The following PRR16 variants were observed in gnomAD, a reference collection of about 807,000 sequenced individuals.
PRR16 encodes the protein proline rich 16, also known as protein Largen.
In PRR16, 6 loss-of-function variants were observed where a neutral mutation model predicts 18.2. The ratio of observed to expected loss-of-function variants is 0.33; its 90% CI spans 0.18 to 0.65. The LOEUF (loss-of-function observed/expected upper bound fraction) is 0.65. Among genes scored for constraint, PRR16 ranks in the 30% least tolerant of loss-of-function variants. The probability of loss-of-function intolerance (pLI) is 0.74; values close to 1 mark genes in which losing one functional copy is unlikely to be tolerated. For missense variants in PRR16, 412 were observed against 376.6 expected (o/e 1.09, Z -0.78); for synonymous variants, 151 against 147.8 (o/e 1.02, Z -0.16).
At chr5:120,781,885 T>C in the PRR16 span, among the ~76,000 whole-genome samples, 1 of 152,000 alleles carries the variant, frequency 6.6e-6, no homozygotes, top group Non-Finnish European at 1.5e-5. Context: ...CCTTACAAAT[T>C]ATGTCCTTAT....
At chr5:120,779,661 T>A in the PRR16 span, among the ~76,000 whole-genome samples, 1 of 152,186 alleles carries the variant, frequency 6.6e-6, no homozygotes, top group Non-Finnish European at 1.5e-5. Flanking sequence ...TGTATTGTAT[T>A]ACCCCAAAAT....
intron 1 of PRR16, among the ~76,000 whole-genome samples, chr5:120,671,353 C>T (rs1289770973): frequency 6.6e-6 from 1 of 152,012 alleles, no homozygotes; most frequent in Non-Finnish European, 1.5e-5. Context: ...GTTTTATCAT[C>T]TCAAGCTAGT....
At chr5:120,664,803 T>C (rs993151706) in intron 1 of PRR16, among the ~76,000 whole-genome samples, 2 of 142,426 alleles carry the variant, frequency 1.4e-5, no homozygotes, top group Non-Finnish European at 3.1e-5. Flanking sequence ...TTTTTATGGC[T>C]GCATAGTATT....
intron 1 of PRR16, among the ~76,000 whole-genome samples, chr5:120,477,507 C>T (rs938014853): frequency 2.0e-5 from 3 of 152,168 alleles, no homozygotes; most frequent in South Asian, 2.1e-4. Context: ...ATTTTTACCT[C>T]TTTCACTGTT....
chr5:120,770,779 G>T, the PRR16 span, among the ~76,000 whole-genome samples: 6 of 151,854 alleles, frequency 4.0e-5, no homozygotes, highest in Non-Finnish European at 1.5e-5. Context: ...TCACTGACTA[G>T]CTCTCCCTAC....
chr5:120,552,394 G>T (rs1395582911), intron 1 of PRR16, among the ~76,000 whole-genome samples: 2 of 151,800 alleles, frequency 1.3e-5, no homozygotes, highest in Admixed American at 6.6e-5. Context: ...AAACAATAAG[G>T]TGTACATATT....
intron 1 of PRR16, among the ~76,000 whole-genome samples, chr5:120,500,319 T>G (rs1750404532): frequency 2.0e-5 from 3 of 152,220 alleles, no homozygotes; most frequent in Admixed American, 6.5e-5. Flanking sequence ...CTCTTTTTTT[T>G]GGCTGGGGAT....
At chr5:120,592,470 A>T (rs991149976) in intron 1 of PRR16, among the ~76,000 whole-genome samples, 3 of 152,180 alleles carry the variant, frequency 2.0e-5, no homozygotes, top group African/African-American at 7.2e-5. Context: ...CATTAAATTC[A>T]TATGAAGTGA....
At chr5:120,663,733 G>C (rs1228599887) in intron 1 of PRR16, among the ~76,000 whole-genome samples, 2 of 152,024 alleles carry the variant, frequency 1.3e-5, no homozygotes, top group Admixed American at 1.3e-4. Context: ...TGTATTTTTG[G>C]GAAAGGATTA....
At chr5:120,486,146 A>G (rs1475559256) in intron 1 of PRR16, among the ~76,000 whole-genome samples, 2 of 152,148 alleles carry the variant, frequency 1.3e-5, no homozygotes, top group Non-Finnish European at 2.9e-5. Context: ...ATGATTTATA[A>G]TCCTTTGGGT....
intron 1 of PRR16, among the ~76,000 whole-genome samples, chr5:120,574,019 T>C (rs982187039): frequency 2.0e-5 from 3 of 152,046 alleles, no homozygotes; most frequent in African/African-American, 7.2e-5. Context: ...AATATATTCA[T>C]GATTTTGTAG....
rs184936111 is a variant in PRR16 at position 120,473,645 on chromosome 5, A to G, written c.159+9000A>G. On this transcript the variant is annotated intron_variant, in intron 1 of 1. Coordinates refer to ENST00000407149, the MANE Select transcript of PRR16 (RefSeq NM_001300783.2). ...TTTGTCTGAGCCCCTTTATTCATTT[A>G]TTCAACAAGTAGTGTTTAACACCTA... 2.0e-3 allele frequency among the ~76,000 whole-genome samples: 310 copies of G among 152,282 alleles called. 1 individual carries two copies. The highest frequency in any genetic ancestry group is 2.2e-3 in the Non-Finnish European group (147 of 68,014).
intron 1 of PRR16, among the ~76,000 whole-genome samples, chr5:120,473,898 G>C (rs1749352590): frequency 6.6e-6 from 1 of 152,178 alleles, no homozygotes; most frequent in African/African-American, 2.4e-5. Flanking sequence ...AAATAGGATT[G>C]TTCAGAATAA....
At chr5:120,716,200 C>G in the PRR16 span, among the ~76,000 whole-genome samples, 4 of 152,132 alleles carry the variant, frequency 2.6e-5, no homozygotes, top group Admixed American at 6.6e-5. Context: ...TTGTCAAACC[C>G]TTTTCCAAAT....
chr5:120,790,468 A>T, the PRR16 span: 1 of 152,072 alleles, frequency 6.6e-6, no homozygotes, highest in South Asian at 2.1e-4. Context: ...GACAAAAAGA[A>T]AACTGAATGA....
Position 120,686,434 on chromosome 5 carries a change from C to G in PRR16, c.640C>G (p.His214Asp). The change falls in exon 2 of 2, where the codon CAT (histidine) becomes GAT (aspartate). Residue 214 changes from histidine (H) to aspartate (D), a missense_variant. Physicochemically the swap from His to Asp is moderately conservative, Grantham distance 81 (BLOSUM62 -1). Transcript: ENST00000407149. ...RVRFNEKVQY[H>D]GYCPDCDTRY... ...TCGGTTTAATGAAAAAGTACAGTAC[C>G]ATGGCTATTGTCCTGACTGTGATAC... is the stretch of plus-strand genomic sequence containing the variant. The G allele has an allele frequency of 6.2e-7, 1 of 1,614,126 alleles. No individual in the cohort carries two copies. The highest frequency in any genetic ancestry group is 8.5e-7 in the Non-Finnish European group (1 of 1,180,014).
chr5:120,527,349 C>T (rs908685611), intron 1 of PRR16, among the ~76,000 whole-genome samples: 1 of 152,130 alleles, frequency 6.6e-6, no homozygotes, highest in Non-Finnish European at 1.5e-5. Context: ...TCCCTATCAT[C>T]AAATTGATTG....
intron 1 of PRR16, among the ~76,000 whole-genome samples, chr5:120,492,536 C>T (rs1750094625): frequency 6.6e-6 from 1 of 152,050 alleles, no homozygotes; most frequent in Non-Finnish European, 1.5e-5. Context: ...TTATAGACCA[C>T]TCTTTTAATT....
At chr5:120,627,297 T>C (rs1172445969) in intron 1 of PRR16, among the ~76,000 whole-genome samples, 2 of 152,162 alleles carry the variant, frequency 1.3e-5, no homozygotes, top group Non-Finnish European at 2.9e-5. Context: ...CCTGCTATGC[T>C]GCACTCATTG....
Sources: gnomAD v4.1 joint callset for allele counts (sites outside exome capture counted in the v4.1 genomes callset) on GRCh38, gnomAD v4.1.1 for gene constraint, MANE v1.5 for transcripts, NCBI Gene and HGNC (gene_info 2026-07-23, HGNC 2026-07-21) for gene names.